The following TAX1BP3 variants were observed in gnomAD, a reference collection of about 807,000 sequenced individuals.
The protein encoded by TAX1BP3 is tax1-binding protein 3.
TAX1BP3 carries 13 observed loss-of-function variants against 15.3 expected under a neutral mutation model. That is an observed-to-expected ratio of 0.85 (90% CI 0.55 to 1.35). The LOEUF (loss-of-function observed/expected upper bound fraction) is 1.35, where lower values mean the gene tolerates loss of function less well. TAX1BP3 is among the 40% of genes most tolerant of loss of function. TAX1BP3 has a pLI of 0.00. For synonymous variants in TAX1BP3, 70 were observed against 66.0 expected (o/e 1.06, Z -0.30); for missense variants, 147 against 169.6 (o/e 0.87, Z 0.74).
At chr17:3,665,922 G>A (rs1455205715) in intron 1 of TAX1BP3, among the ~76,000 whole-genome samples, 1 of 152,182 alleles carries the variant, frequency 6.6e-6, no homozygotes, top group East Asian at 1.9e-4. Flanking sequence ...CCTGGAAGGG[G>A]AGCAGGGGTG....
intron 3 of TAX1BP3, 134 bp downstream of exon 3, chr17:3,664,061 G>T: frequency 7.0e-7 from 1 of 1,434,388 alleles, no homozygotes; most frequent in African/African-American, 1.4e-5. Context: ...GTCCTCTGGG[G>T]CAATGCCAGT....
In TAX1BP3 at chr17:3,668,413, C is replaced by T; in HGVS notation, c.39+75G>A. On this transcript the variant is annotated intron_variant, in intron 1 of 3. Transcript: ENST00000225525. The surrounding 1 kb of genome is among the most constrained non-coding windows in gnomAD (Gnocchi z 4.1). ...CCGGGTTCGATGCTCTGTCAACCTG[C>T]TTGGGGTGTCCGTTTCCCGCTCTGC... 2 of 1,570,316 alleles carry T rather than the reference C, an allele frequency of 1.3e-6. No individual in the cohort carries two copies. Among genetic ancestry groups the T allele is most frequent in the Non-Finnish European group, 1.7e-6 (2 of 1,155,014 alleles).
intron 1 of TAX1BP3, 23 bp from the exon 2 acceptor site, chr17:3,664,821 G>T (rs2076321398): frequency 6.2e-7 from 1 of 1,609,452 alleles, no homozygotes; most frequent in Non-Finnish European, 8.5e-7. Flanking sequence ...AAAGCCAGTT[G>T]AGAGAAGTGG....
At chr17:3,667,491 T>C (rs1459248729) in intron 1 of TAX1BP3, among the ~76,000 whole-genome samples, 1 of 152,196 alleles carries the variant, frequency 6.6e-6, no homozygotes, top group Non-Finnish European at 1.5e-5. Flanking sequence ...GTGGCTTCTC[T>C]GCCTCCACCC....
chr17:3,668,548 C>T lies in TAX1BP3; in HGVS notation c.-22G>A, dbSNP rs1460969777. ...ACATCTCGACCCTGCTCTGGTCGCC[C>T]AGCGCCGCTCCGAGAAGCCGGCAGC... On this transcript the variant is annotated 5_prime_UTR_variant, in exon 1 of 4. Coordinates refer to ENST00000225525, the MANE Select transcript of TAX1BP3 (RefSeq NM_014604.4). This position sits in a 1 kb window ranked among gnomAD's most constrained non-coding sequence, Gnocchi z 4.1. 1 of 1,594,504 alleles carries T rather than the reference C, an allele frequency of 6.3e-7. No individual in the cohort carries two copies. Among genetic ancestry groups the T allele is most frequent in the Admixed American group, 1.7e-5 (1 of 57,710 alleles).
chr17:3,664,385 TCTCCCAGCAC>T, intron 2 of TAX1BP3, 113 bp from the exon 3 acceptor site: 1 of 1,273,238 alleles, frequency 7.9e-7, no homozygotes, highest in Non-Finnish European at 1.1e-6. Flanking sequence ...GCACCCAGCC[TCTCCCAGCAC>T]ATATGGTCAG....
chr17:3,664,442 G>T, intron 2 of TAX1BP3, 170 bp from the exon 3 acceptor site: 1 of 929,000 alleles, frequency 1.1e-6, no homozygotes, highest in Non-Finnish European at 1.7e-6. Context: ...CAGAGTTGCT[G>T]CACCACCATG....
chr17:3,668,538 T>C lies in TAX1BP3; in HGVS notation c.-12A>G, dbSNP rs766690192. 14 of 1,602,938 alleles carry C rather than the reference T, an allele frequency of 8.7e-6. No individual in the cohort carries two copies. The South Asian group carries it at 1.0e-4, about 12-fold the overall frequency. ...GGGATGTAGGACATCTCGACCCTGCTCTGGTCGCCCAGCGCCGCTCCGAGA... is the reference window on the plus strand; with the variant it reads ...GGGATGTAGGACATCTCGACCCTGCCCTGGTCGCCCAGCGCCGCTCCGAGA... On this transcript the variant is annotated 5_prime_UTR_variant, in exon 1 of 4. Coordinates refer to ENST00000225525, the MANE Select transcript of TAX1BP3 (RefSeq NM_014604.4). This position sits in a 1 kb window ranked among gnomAD's most constrained non-coding sequence, Gnocchi z 4.1.
rs1416378245 is a variant in TAX1BP3, at chr17:3,663,761, G to C, written c.362C>G (p.Ser121Cys). The C allele has an allele frequency of 6.2e-7, 1 of 1,604,620 alleles. No homozygotes were observed. Among genetic ancestry groups the C allele is most frequent in the Non-Finnish European group, 8.5e-7 (1 of 1,179,274 alleles). Residue 121 changes from serine to cysteine, a missense_variant, in exon 4 of 4, where the codon TCC becomes TGC. By Grantham distance (112) the Ser-to-Cys change is moderately radical (BLOSUM62 -1). Coordinates refer to ENST00000225525, the MANE Select transcript of TAX1BP3 (RefSeq NM_014604.4). ...TGGTGGTGGCTGCTAGGACAGCATGGACTGCTGCACGGCCTTCTGCAGCGA... is the reference window on the plus strand; with the variant it reads ...TGGTGGTGGCTGCTAGGACAGCATGCACTGCTGCACGGCCTTCTGCAGCGA... ...RQSLQKAVQQ[S>C]MLS is the part of the protein sequence containing the mutation.
chr17:3,668,550 G>A lies in TAX1BP3; in HGVS notation c.-24C>T, dbSNP rs1300261719. ...ATCTCGACCCTGCTCTGGTCGCCCA[G>A]CGCCGCTCCGAGAAGCCGGCAGCAG... On this transcript the variant is annotated 5_prime_UTR_variant, in exon 1 of 4. Coordinates refer to ENST00000225525, the MANE Select transcript of TAX1BP3 (RefSeq NM_014604.4). This position sits in a 1 kb window ranked among gnomAD's most constrained non-coding sequence, Gnocchi z 4.1. 2.5e-6 allele frequency: 4 copies of A among 1,593,034 alleles called. No individual in the cohort carries two copies. The highest frequency in any genetic ancestry group is 1.7e-4 in the Middle Eastern group (1 of 5,940).
In TAX1BP3 at chr17:3,664,256, C is replaced by T. The variant is rs374231337; in HGVS notation, c.176G>A (p.Arg59Gln). 18 of 1,613,920 alleles carry T rather than the reference C, an allele frequency of 1.1e-5. No homozygotes were observed. In the African/African-American group the frequency reaches 1.5e-4, roughly 13 times the overall value. The change falls in exon 3 of 4, where the codon CGG becomes CAG. Residue 59 changes from arginine (R) to glutamine (Q), a missense_variant. Transcript: ENST00000225525. ...TTCAGCAGGGCCTCCTTCAGACACC[C>T]GTGTGACATAAATACCCTGGAAAGG... Reference protein sequence around the residue: ...DKTDKGIYVTRVSEGGPAEIA... With the variant: ...DKTDKGIYVTQVSEGGPAEIA...
rs756780578 is a variant in TAX1BP3, at chr17:3,668,466, G to A, written c.39+22C>T. On this transcript the variant is annotated intron_variant, in intron 1 of 3. Transcript: ENST00000225525. This position sits in a 1 kb window ranked among gnomAD's most constrained non-coding sequence, Gnocchi z 4.1. ...GGTGGGGTCAGGCCAAGACGAGGAG[G>A]AGCCCGCGCAAGCGCACTCACCACC... The A allele has an allele frequency of 1.2e-6, 2 of 1,607,418 alleles. No homozygotes were observed. Among genetic ancestry groups the A allele is most frequent in the South Asian group, 1.1e-5 (1 of 90,126 alleles).
chr17:3,665,561 GA>G, intron 1 of TAX1BP3: 2 of 1,374,250 alleles, frequency 1.5e-6, no homozygotes, highest in Non-Finnish European at 1.0e-6. Context: ...AAAATGATCA[GA>G]AAAAGAAAGA....
intron 1 of TAX1BP3, 52 bp from the exon 2 acceptor site, chr17:3,664,850 T>TG (rs1353249384): frequency 6.3e-7 from 1 of 1,589,100 alleles, no homozygotes. Flanking sequence ...AGAATTAGGC[T>TG]GGTGGGTGTT....
In TAX1BP3 at chr17:3,664,083, A is replaced by G. The variant is rs141228840; in HGVS notation, c.237+112T>C. ...GGGGCAATGCCAGTATGGGTTCCCA[A>G]TTGGCTGCAGTGAGTCTCTCCCAGC... On this transcript the variant is annotated intron_variant, in intron 3 of 3. Transcript: ENST00000225525. 8.0e-6 allele frequency: 12 copies of G among 1,495,040 alleles called. No homozygotes were observed. In the East Asian group the frequency reaches 1.6e-4, roughly 20 times the overall value. 92.6% of individuals were successfully genotyped at this position (1,495,040 alleles called of 1,614,324 possible). A position where few individuals can be genotyped will look rare whatever the true frequency, so the allele number is the denominator to read the frequency against.
intron 3 of TAX1BP3, 29 bp from the exon 4 acceptor site, chr17:3,663,914 C>T (rs1252957797): frequency 3.8e-6 from 6 of 1,592,396 alleles, no homozygotes; most frequent in South Asian, 3.3e-5. Context: ...ACAGGCTCAC[C>T]TCAGCTCCCC....
chr17:3,666,720 G>A (rs1170765180), intron 1 of TAX1BP3, among the ~76,000 whole-genome samples: 1 of 152,184 alleles, frequency 6.6e-6, no homozygotes, highest in Non-Finnish European at 1.5e-5. Context: ...ACCATGTCCA[G>A]GCACGTTCCT....
rs1056764603 is a variant in TAX1BP3, at chr17:3,667,872, A to G, written c.39+616T>C. Among the ~76,000 whole-genome samples the G allele has an allele frequency of 1.1e-4, 17 of 152,346 alleles. 3 individuals are homozygous for G. The highest frequency in any genetic ancestry group is 3.9e-4 in the East Asian group (2 of 5,182). On this transcript the variant is annotated intron_variant, in intron 1 of 3. Transcript: ENST00000225525. ...CCCCGGAGGGTCTACTCAGGACTCA[A>G]GTGCCAGGAGGGAGGCCTGGACTTT...
intron 1 of TAX1BP3, chr17:3,665,494 G>A (rs373267696): frequency 2.0e-4 from 273 of 1,352,320 alleles, no homozygotes; most frequent in South Asian, 1.1e-3. Context: ...ATTAATGTGC[G>A]TATTGAGCAC....
Sources: allele counts gnomAD v4.1 joint callset (sites outside exome capture counted in the v4.1 genomes callset), GRCh38; gene constraint gnomAD v4.1.1; non-coding constraint Gnocchi (gnomAD v3.1); transcripts MANE v1.5; gene names NCBI Gene and HGNC (gene_info 2026-07-23, HGNC 2026-07-21).